Variants in LNX1 observed in about 807,000 individuals in gnomAD.
LNX1 encodes the protein E3 ubiquitin-protein ligase LNX.
In LNX1, 54 loss-of-function variants were observed where a neutral mutation model predicts 68.4. That is an observed-to-expected ratio of 0.79 (90% CI 0.63 to 0.99). The LOEUF (loss-of-function observed/expected upper bound fraction) is 0.99, where lower values mean the gene tolerates loss of function less well. LNX1 is among the 50% of genes least tolerant of loss of function. The pLI is 0.00. For missense variants in LNX1, 906 were observed against 926.4 expected (o/e 0.98, Z 0.29); for synonymous variants, 336 against 350.0 (o/e 0.96, Z 0.45).
At chr4:53,649,389 CAG>C (rs1368466588) in intron 1 of LNX1, among the ~76,000 whole-genome samples, 1 of 152,218 alleles carries the variant, frequency 6.6e-6, no homozygotes, top group Non-Finnish European at 1.5e-5. Flanking sequence ...GAAACCAAGA[CAG>C]AGAATAGTAA....
chr4:53,560,649 C>T (rs189968871), intron 2 of LNX1, among the ~76,000 whole-genome samples: 197 of 152,290 alleles, frequency 1.3e-3, no homozygotes, highest in African/African-American at 4.5e-3. Context: ...TTCTTTCTGC[C>T]TGGAACTTGT....
At chr4:53,606,364 C>A (rs1459644866) in intron 2 of LNX1, among the ~76,000 whole-genome samples, 1 of 152,082 alleles carries the variant, frequency 6.6e-6, no homozygotes, top group African/African-American at 2.4e-5. Context: ...AAACATACAA[C>A]CTCCCAAGAT....
intron 1 of LNX1, among the ~76,000 whole-genome samples, chr4:53,582,768 T>A (rs1683287564): frequency 6.6e-6 from 1 of 152,174 alleles, no homozygotes; most frequent in South Asian, 2.1e-4. Flanking sequence ...AAGCTCCATG[T>A]GGCAGAATGG....
At chr4:53,571,900 A>G (rs1467389664) in intron 2 of LNX1, among the ~76,000 whole-genome samples, 1 of 152,004 alleles carries the variant, frequency 6.6e-6, no homozygotes, top group East Asian at 1.9e-4. Flanking sequence ...GGCTCAAGTG[A>G]TCCTCCTGCC....
chr4:53,515,144 C>T (rs1360957654), intron 2 of LNX1, among the ~76,000 whole-genome samples: 1 of 152,144 alleles, frequency 6.6e-6, no homozygotes, highest in East Asian at 1.9e-4. Flanking sequence ...TATGTAGGAG[C>T]TCTCTCTCCA....
chr4:53,574,823 C>T (rs1045178233), intron 1 of LNX1, among the ~76,000 whole-genome samples: 1 of 152,166 alleles, frequency 6.6e-6, no homozygotes, highest in Non-Finnish European at 1.5e-5. Flanking sequence ...AGATTTGCAT[C>T]TACCACATAC....
At chr4:53,527,194 C>A (rs1727680567) in intron 2 of LNX1, among the ~76,000 whole-genome samples, 1 of 152,034 alleles carries the variant, frequency 6.6e-6, no homozygotes, top group Non-Finnish European at 1.5e-5. Flanking sequence ...TTCTTCAATT[C>A]ACATTTATAA....
chr4:53,631,877 C>G (rs1014571854), intron 1 of LNX1, among the ~76,000 whole-genome samples: 17 of 151,036 alleles, frequency 1.1e-4, no homozygotes, highest in Non-Finnish European at 2.2e-4. Flanking sequence ...TTTTTTAAGT[C>G]CTTGAGAATC....
chr4:53,490,480 A>T (rs1724607307), intron 6 of LNX1, among the ~76,000 whole-genome samples: 1 of 152,158 alleles, frequency 6.6e-6, no homozygotes, highest in Admixed American at 6.5e-5. Context: ...CTCCATAAGG[A>T]CTTTCTTCTT....
upstream of LNX1, among the ~76,000 whole-genome samples, chr4:53,621,261 T>C (rs1315490423): frequency 6.6e-6 from 1 of 152,134 alleles, no homozygotes; most frequent in Admixed American, 6.6e-5. Flanking sequence ...TAAGTCAAAT[T>C]ATATTCCCTG....
intron 6 of LNX1, among the ~76,000 whole-genome samples, chr4:53,491,573 G>A (rs1724676661): frequency 6.6e-6 from 1 of 152,170 alleles, no homozygotes; most frequent in Non-Finnish European, 1.5e-5. Context: ...GAGACAAAGA[G>A]TAGATATGGT....
intron 1 of LNX1, among the ~76,000 whole-genome samples, chr4:53,586,273 C>A (rs1250452477): frequency 6.6e-6 from 1 of 152,038 alleles, no homozygotes. Flanking sequence ...TATGCAGGAG[C>A]CTAAACATGC....
intron 6 of LNX1, among the ~76,000 whole-genome samples, chr4:53,483,086 G>A (rs1172570878): frequency 6.6e-6 from 1 of 152,116 alleles, no homozygotes; most frequent in Non-Finnish European, 1.5e-5. Flanking sequence ...ATTCCCATAT[G>A]TCATCGGAGG....
chr4:53,614,481 C>A (rs921396863), intron 2 of LNX1, among the ~76,000 whole-genome samples: 1 of 152,166 alleles, frequency 6.6e-6, no homozygotes, highest in African/African-American at 2.4e-5. Flanking sequence ...CCTTTCTAGG[C>A]AAAGCAAATT....
At chr4:53,574,629 T>C (rs1427127632) in intron 1 of LNX1, among the ~76,000 whole-genome samples, 1 of 152,210 alleles carries the variant, frequency 6.6e-6, no homozygotes, top group Non-Finnish European at 1.5e-5. Context: ...GTCTCCTGTA[T>C]GCATTTCACT....
At chr4:53,596,215 T>C (rs1171188808), upstream of LNX1, among the ~76,000 whole-genome samples, 3 of 152,242 alleles carry the variant, frequency 2.0e-5, no homozygotes. Context: ...TGGTTCTGTG[T>C]ATATGGAAGA....
chr4:53,538,845 A>G (rs961644436), intron 2 of LNX1, among the ~76,000 whole-genome samples: 1 of 152,206 alleles, frequency 6.6e-6, no homozygotes, highest in African/African-American at 2.4e-5. Flanking sequence ...TTGGGGAGAA[A>G]AAAAATAAAA....
At chr4:53,472,450 C>T (rs969358078) in intron 9 of LNX1, among the ~76,000 whole-genome samples, 3 of 151,596 alleles carry the variant, frequency 2.0e-5, no homozygotes, top group African/African-American at 7.3e-5. Context: ...AACTAACCTG[C>T]ACGTTGTGCA....
At chr4:53,589,089 G>T (rs1358525645) in intron 1 of LNX1, among the ~76,000 whole-genome samples, 1 of 152,164 alleles carries the variant, frequency 6.6e-6, no homozygotes, top group Non-Finnish European at 1.5e-5. Flanking sequence ...CACCCAGTCT[G>T]CCCTGGAGAT....
Sources: gnomAD v4.1 joint callset for allele counts (sites outside exome capture counted in the v4.1 genomes callset) on GRCh38, gnomAD v4.1.1 for gene constraint, MANE v1.5 for transcripts, NCBI Gene and HGNC (gene_info 2026-07-23, HGNC 2026-07-21) for gene names.